The following NELL2 variants were observed in gnomAD, a reference collection of about 807,000 sequenced individuals.
NELL2 encodes protein kinase C-binding protein NELL2.
In NELL2, 41 loss-of-function variants were observed where a neutral mutation model predicts 109.6. That is an observed-to-expected ratio of 0.37 (90% CI 0.29 to 0.49). The LOEUF is 0.49. Among genes scored for constraint, NELL2 ranks in the 20% least tolerant of loss-of-function variants. The pLI is 0.98. For synonymous variants in NELL2, 355 were observed against 344.7 expected (o/e 1.03, Z -0.33); for missense variants, 900 against 1,008.3 (o/e 0.89, Z 1.45).
chr12:44,914,309 C>A (rs144668565), upstream of NELL2, among the ~76,000 whole-genome samples: 161 of 152,250 alleles, frequency 1.1e-3, no homozygotes, highest in African/African-American at 3.6e-3. Context: ...CAGTCTCCCC[C>A]GTATCCTTAC....
intron 13 of NELL2, among the ~76,000 whole-genome samples, chr12:44,611,348 C>T (rs898022395): frequency 6.6e-6 from 1 of 151,956 alleles, no homozygotes; most frequent in African/African-American, 2.4e-5. Flanking sequence ...AGCATGTGAA[C>T]GATGTGAAAT....
chr12:44,849,670 G>A (rs187131941), intron 2 of NELL2, among the ~76,000 whole-genome samples: 2 of 152,208 alleles, frequency 1.3e-5, no homozygotes, highest in East Asian at 3.9e-4. Flanking sequence ...AAAAGTAAAT[G>A]TCCAAAAGAA....
At chr12:44,800,797 A>T (rs1185207400) in intron 3 of NELL2, among the ~76,000 whole-genome samples, 1 of 152,196 alleles carries the variant, frequency 6.6e-6, no homozygotes, top group Non-Finnish European at 1.5e-5. Context: ...ATGGGCAGCA[A>T]TAAAGGAAAA....
At chr12:44,562,172 G>T (rs1416868206) in intron 15 of NELL2, among the ~76,000 whole-genome samples, 1 of 152,006 alleles carries the variant, frequency 6.6e-6, no homozygotes, top group Admixed American at 6.6e-5. Flanking sequence ...AACTCAAGAT[G>T]GATTAAAGAC....
intron 2 of NELL2, among the ~76,000 whole-genome samples, chr12:44,826,354 A>G (rs1459471875): frequency 6.6e-6 from 1 of 152,162 alleles, no homozygotes; most frequent in Non-Finnish European, 1.5e-5. Context: ...TTTTTTCAGT[A>G]CTTAACTATC....
intron 2 of NELL2, among the ~76,000 whole-genome samples, chr12:44,850,867 A>G (rs1448597000): frequency 6.6e-6 from 1 of 152,218 alleles, no homozygotes; most frequent in Non-Finnish European, 1.5e-5. Flanking sequence ...AATGTTAAAG[A>G]GAACAGCCAA....
chr12:44,823,870 C>T (rs756611258), intron 2 of NELL2, among the ~76,000 whole-genome samples: 18 of 152,192 alleles, frequency 1.2e-4, no homozygotes, highest in Non-Finnish European at 2.5e-4. Flanking sequence ...CACAAGGGTT[C>T]CCTTTTCTCC....
intron 15 of NELL2, among the ~76,000 whole-genome samples, chr12:44,553,259 T>TA (rs1409582630): frequency 8.6e-6 from 1 of 116,138 alleles, no homozygotes; most frequent in Non-Finnish European, 1.8e-5. Context: ...CCCTAAAACT[T>TA]AAAGTATAAT....
At chr12:44,915,865 C>T (rs1439408068), upstream of NELL2, among the ~76,000 whole-genome samples, 2 of 152,240 alleles carry the variant, frequency 1.3e-5, no homozygotes, top group East Asian at 3.9e-4. Context: ...ATGAAGTTGT[C>T]GACCCACTGT....
chr12:44,741,606 A>C (rs1000357473), intron 9 of NELL2, among the ~76,000 whole-genome samples: 8 of 152,214 alleles, frequency 5.3e-5, no homozygotes, highest in African/African-American at 9.6e-5. Context: ...CTCCCACCCT[A>C]ATACTGCGCT....
chr12:44,587,141 A>G (rs1475262330), intron 15 of NELL2, among the ~76,000 whole-genome samples: 2 of 151,176 alleles, frequency 1.3e-5, no homozygotes, highest in East Asian at 3.9e-4. Context: ...GCATGGTGGC[A>G]CACGCCTGTA....
intron 13 of NELL2, among the ~76,000 whole-genome samples, chr12:44,643,116 G>A (rs1175277070): frequency 6.6e-6 from 1 of 152,090 alleles, no homozygotes; most frequent in Non-Finnish European, 1.5e-5. Flanking sequence ...TTTATATTAT[G>A]TATTAAAGTA....
chr12:44,636,752 G>A (rs1592246502), intron 13 of NELL2, among the ~76,000 whole-genome samples: 1 of 152,046 alleles, frequency 6.6e-6, no homozygotes, highest in African/African-American at 2.4e-5. Context: ...TTCTTTTTTT[G>A]TTGTGTCTCT....
chr12:44,817,674 C>T (rs1943397121), intron 2 of NELL2, among the ~76,000 whole-genome samples: 2 of 152,188 alleles, frequency 1.3e-5, no homozygotes, highest in African/African-American at 4.8e-5. Context: ...GCAGACATTG[C>T]TGGATGGGGC....
chr12:44,685,934 C>T (rs1211105332), intron 12 of NELL2, among the ~76,000 whole-genome samples: 1 of 152,034 alleles, frequency 6.6e-6, no homozygotes, highest in African/African-American at 2.4e-5. Flanking sequence ...GTGGCGTTCT[C>T]TATATTTCCT....
At chr12:44,622,074 G>A (rs1592222433) in intron 13 of NELL2, among the ~76,000 whole-genome samples, 1 of 152,078 alleles carries the variant, frequency 6.6e-6, no homozygotes, top group Admixed American at 6.6e-5. Context: ...CGCCTGCCAC[G>A]TTTTAGGCAC....
At chr12:44,565,509 A>T (rs1040198791) in intron 15 of NELL2, among the ~76,000 whole-genome samples, 5 of 152,182 alleles carry the variant, frequency 3.3e-5, no homozygotes, top group African/African-American at 9.6e-5. Context: ...GTTTCGAGAG[A>T]CGAACACAAG....
chr12:44,824,868 G>A (rs866270772), intron 2 of NELL2, among the ~76,000 whole-genome samples: 41 of 151,732 alleles, frequency 2.7e-4, no homozygotes, highest in Admixed American at 5.9e-4. Flanking sequence ...CCGCCACAAC[G>A]CCTGGCTGAT....
intron 15 of NELL2, among the ~76,000 whole-genome samples, chr12:44,593,277 T>A (rs1347181289): frequency 6.6e-6 from 1 of 152,180 alleles, no homozygotes; most frequent in African/African-American, 2.4e-5. Context: ...AGAAAAGAGA[T>A]GATTACATGT....
Sources: gnomAD v4.1 joint callset for allele counts (sites outside exome capture counted in the v4.1 genomes callset) on GRCh38, gnomAD v4.1.1 for gene constraint, MANE v1.5 for transcripts, NCBI Gene and HGNC (gene_info 2026-07-23, HGNC 2026-07-21) for gene names.